The following HIBADH variants were observed in gnomAD, a reference collection of about 807,000 sequenced individuals.
HIBADH encodes 3-hydroxyisobutyrate dehydrogenase.
In HIBADH, 25 loss-of-function variants were observed where a neutral mutation model predicts 36.1. The ratio of observed to expected loss-of-function variants is 0.69; its 90% CI spans 0.50 to 0.97. HIBADH has a LOEUF of 0.97. Ranked by LOEUF, HIBADH falls within the 50% of genes least tolerant of loss-of-function variation. The pLI is 0.00. For synonymous variants in HIBADH, 160 were observed against 149.5 expected, an observed-to-expected ratio of 1.07 and a Z score of -0.51; for missense variants, 421 against 418.0, an observed-to-expected ratio of 1.01 and a Z score of -0.06.
chr7:27,553,398 C>G (rs965408945), intron 4 of HIBADH, among the ~76,000 whole-genome samples: 2 of 152,166 alleles, frequency 1.3e-5, no homozygotes, highest in Non-Finnish European at 2.9e-5. Context: ...TCATTATTTA[C>G]CCATAATGAC....
intron 2 of HIBADH, among the ~76,000 whole-genome samples, chr7:27,640,196 T>C (rs1243137792): frequency 1.3e-5 from 2 of 152,214 alleles, no homozygotes; most frequent in South Asian, 2.1e-4. Flanking sequence ...ATGTAAACTC[T>C]TGTTAAACAA....
At chr7:27,581,283 G>T (rs183026058) in intron 4 of HIBADH, among the ~76,000 whole-genome samples, 1 of 152,148 alleles carries the variant, frequency 6.6e-6, no homozygotes, top group East Asian at 1.9e-4. Context: ...TTTGACCAGG[G>T]GTGGGGTCAA....
intron 4 of HIBADH, among the ~76,000 whole-genome samples, chr7:27,561,735 TTTC>T (rs1430979194): frequency 6.6e-6 from 1 of 152,138 alleles, no homozygotes; most frequent in Non-Finnish European, 1.5e-5. Flanking sequence ...CATTTATAAA[TTTC>T]TTCTTGTGGT....
At chr7:27,578,726 A>T (rs918412450) in intron 4 of HIBADH, among the ~76,000 whole-genome samples, 1 of 152,188 alleles carries the variant, frequency 6.6e-6, no homozygotes, top group Non-Finnish European at 1.5e-5. Context: ...TTGTTGTTAC[A>T]ATAAGCTAGG....
chr7:27,649,536 A>T lies in HIBADH; in HGVS notation c.189T>A (p.Tyr63Ter). ...PMAKNLMKHG[Y>*]PLIIYDVFPD... ...GGAACACATCATAAATAATAAGTGGATAGCCATGTTTCATGAGATTTTTTG... is the reference window on the plus strand; with the variant it reads ...GGAACACATCATAAATAATAAGTGGTTAGCCATGTTTCATGAGATTTTTTG... Residue 63 changes from tyrosine (Y) to a stop codon, truncating the protein, a stop_gained, in exon 2 of 8, where the codon TAT becomes TAA. Coordinates refer to ENST00000265395, the MANE Select transcript of HIBADH (RefSeq NM_152740.4). LOFTEE classifies it high-confidence loss of function. 1 of 1,613,924 alleles carries T rather than the reference A, an allele frequency of 6.2e-7. No homozygotes were observed. Among genetic ancestry groups the T allele is most frequent in the South Asian group, 1.1e-5 (1 of 91,068 alleles).
intron 4 of HIBADH, among the ~76,000 whole-genome samples, chr7:27,622,903 C>T (rs1301090473): frequency 6.6e-6 from 1 of 152,120 alleles, no homozygotes; most frequent in Non-Finnish European, 1.5e-5. Context: ...TTCTCCCTAA[C>T]TCATTCTATG....
chr7:27,572,083 C>T (rs982338976), intron 4 of HIBADH, among the ~76,000 whole-genome samples: 3 of 152,138 alleles, frequency 2.0e-5, no homozygotes, highest in African/African-American at 7.2e-5. Flanking sequence ...TTTGTGTGAG[C>T]ATAGGGCCTA....
Position 27,662,733 on chromosome 7 carries a change from C to G in HIBADH, c.56G>C (p.Arg19Pro), listed in dbSNP as rs1173821138. The change falls in exon 1 of 8, where the codon CGG becomes CCG. Residue 19 changes from arginine (R) to proline (P), a missense_variant. Arg to Pro is a moderately radical substitution (Grantham distance 103). Transcript: ENST00000265395. ...GCTGCCGGCTGCCGGCCGCAGCCGC[C>G]GGCTCCAGTACCGGAGACCGGAGGC... ...GAASGLRYWS[R>P]RLRPAAGSFA... 2.9e-6 allele frequency: 4 copies of G among 1,394,094 alleles called. No individual in the cohort carries two copies. The highest frequency in any genetic ancestry group is 3.7e-6 in the Non-Finnish European group (4 of 1,068,322). The allele number at this position is 1,394,094 out of a possible 1,614,324, so 86.4% of individuals were successfully genotyped here.
intron 4 of HIBADH, among the ~76,000 whole-genome samples, chr7:27,591,009 T>C (rs1283268237): frequency 2.0e-5 from 3 of 152,190 alleles, no homozygotes; most frequent in African/African-American, 7.2e-5. Context: ...GATTTTTCTT[T>C]TTATAAGGAA....
chr7:27,536,543 A>G (rs191103214), intron 6 of HIBADH, among the ~76,000 whole-genome samples: 7 of 152,128 alleles, frequency 4.6e-5, no homozygotes, highest in African/African-American at 1.7e-4. Context: ...TTACATCTCT[A>G]TTTTTTATCA....
At chr7:27,583,761 T>C (rs1784823394) in intron 4 of HIBADH, among the ~76,000 whole-genome samples, 1 of 152,024 alleles carries the variant, frequency 6.6e-6, no homozygotes, top group African/African-American at 2.4e-5. Context: ...TTAAATATTT[T>C]TGAGGACACA....
intron 1 of HIBADH, among the ~76,000 whole-genome samples, chr7:27,654,687 ATTTT>A (rs1786265388): frequency 1.0e-5 from 1 of 99,042 alleles, no homozygotes; most frequent in African/African-American, 4.6e-5. Flanking sequence ...TATGTTTACC[ATTTT>A]TTTGTGTTTT....
rs576481343 is a variant in HIBADH, at chr7:27,604,001, G to A, written c.484+25370C>T. Among the ~76,000 whole-genome samples, 30 of 151,918 alleles carry A rather than the reference G, an allele frequency of 2.0e-4. No individual in the cohort carries two copies. In the South Asian group the frequency reaches 5.6e-3, roughly 28 times the overall value. On this transcript the variant is annotated intron_variant, in intron 4 of 7. Coordinates refer to ENST00000265395, the MANE Select transcript of HIBADH (RefSeq NM_152740.4). ...CATAAAATAGATCATTTAGGCCAGT[G>A]GTATTTCAGTACATCGCCCCTCCTC...
chr7:27,540,444 T>C (rs1165574209), intron 5 of HIBADH, among the ~76,000 whole-genome samples: 2 of 152,192 alleles, frequency 1.3e-5, no homozygotes, highest in African/African-American at 4.8e-5. Flanking sequence ...CCCACCTTTT[T>C]TGCCATATGC....
At chr7:27,536,751 A>G (rs1784076825) in intron 6 of HIBADH, among the ~76,000 whole-genome samples, 1 of 152,166 alleles carries the variant, frequency 6.6e-6, no homozygotes, top group Non-Finnish European at 1.5e-5. Flanking sequence ...TGACAGGAAA[A>G]TTATTCAAGA....
At chr7:27,575,661 G>A (rs1327129740) in intron 4 of HIBADH, among the ~76,000 whole-genome samples, 3 of 152,204 alleles carry the variant, frequency 2.0e-5, no homozygotes, top group African/African-American at 2.4e-5. Context: ...GAGCAATGGT[G>A]TGATGTGCCT....
At chr7:27,662,355 G>C (rs370409296) in intron 1 of HIBADH, among the ~76,000 whole-genome samples, 5 of 152,208 alleles carry the variant, frequency 3.3e-5, no homozygotes, top group African/African-American at 9.6e-5. Context: ...GGAGTTGGGC[G>C]CTCCAAACGT....
intron 2 of HIBADH, among the ~76,000 whole-genome samples, chr7:27,646,485 C>T (rs1456387106): frequency 1.3e-5 from 2 of 151,994 alleles, no homozygotes; most frequent in Non-Finnish European, 2.9e-5. Context: ...ACAGACAGTA[C>T]CAAATCCTAT....
chr7:27,658,896 C>T (rs1476001559), intron 1 of HIBADH, among the ~76,000 whole-genome samples: 1 of 152,106 alleles, frequency 6.6e-6, no homozygotes, highest in Non-Finnish European at 1.5e-5. Context: ...AAGGCCTTTA[C>T]GGTTTCAGTC....
Sources: gnomAD v4.1 joint callset for allele counts (sites outside exome capture counted in the v4.1 genomes callset) on GRCh38, gnomAD v4.1.1 for gene constraint, MANE v1.5 for transcripts, NCBI Gene and HGNC (gene_info 2026-07-23, HGNC 2026-07-21) for gene names.